Variants in CALN1 observed in about 807,000 individuals in gnomAD.
The protein encoded by CALN1 is calneuron 1, also known as calcium-binding protein 8.
Under a neutral mutation model 30.6 loss-of-function variants are expected in CALN1, and 17 were observed. The ratio of observed to expected loss-of-function variants is 0.56; its 90% CI spans 0.38 to 0.83. The LOEUF is 0.83. CALN1 is among the 40% of genes least tolerant of loss of function. CALN1 has a pLI of 0.00. For missense variants in CALN1, 291 were observed against 354.9 expected, an observed-to-expected ratio of 0.82 and a Z score of 1.45; for synonymous variants, 156 against 131.4, an observed-to-expected ratio of 1.19 and a Z score of -1.28.
intron 3 of CALN1, among the ~76,000 whole-genome samples, chr7:72,232,666 G>C (rs942533653): frequency 6.6e-6 from 1 of 152,148 alleles, no homozygotes; most frequent in African/African-American, 2.4e-5. Context: ...CGCCATGTTG[G>C]CCAGGCTGGT....
intron 2 of CALN1, among the ~76,000 whole-genome samples, chr7:72,325,491 C>T (rs966655960): frequency 3.9e-5 from 6 of 152,040 alleles, no homozygotes; most frequent in Non-Finnish European, 7.4e-5. Flanking sequence ...ATCCCAGCTA[C>T]TTGGGAGGCT....
chr7:72,106,079 T>C (rs752531078), intron 4 of CALN1, 72 bp downstream of exon 4: 1 of 1,554,426 alleles, frequency 6.4e-7, no homozygotes, highest in Non-Finnish European at 8.7e-7. Flanking sequence ...TGCAAGGCCC[T>C]GCATAAACCG....
chr7:71,889,299 C>G (rs1041910882), intron 5 of CALN1, among the ~76,000 whole-genome samples: 1 of 152,154 alleles, frequency 6.6e-6, no homozygotes, highest in African/African-American at 2.4e-5. Flanking sequence ...AAGGCAAGCT[C>G]CCTTGGGGCT....
intron 5 of CALN1, among the ~76,000 whole-genome samples, chr7:71,858,694 G>A (rs1173901196): frequency 3.3e-5 from 5 of 152,086 alleles, no homozygotes; most frequent in Non-Finnish European, 5.9e-5. Flanking sequence ...TGTGTTCAGT[G>A]AAAGGCCAAT....
chr7:72,060,227 G>A (rs1207564176), intron 4 of CALN1, among the ~76,000 whole-genome samples: 1 of 152,102 alleles, frequency 6.6e-6, no homozygotes, highest in Non-Finnish European at 1.5e-5. Context: ...GTGCTTACAT[G>A]CTCTGAAGGA....
chr7:72,203,013 A>C (rs908320801), intron 3 of CALN1, among the ~76,000 whole-genome samples: 5 of 152,246 alleles, frequency 3.3e-5, no homozygotes, highest in Non-Finnish European at 7.3e-5. Flanking sequence ...GCCATAAAAA[A>C]GAATGAGTTC....
chr7:72,311,936 G>A (rs1585444004), intron 2 of CALN1, among the ~76,000 whole-genome samples: 1 of 152,064 alleles, frequency 6.6e-6, no homozygotes, highest in South Asian at 2.1e-4. Context: ...AGAGTGATGG[G>A]AAAGAAGGAA....
At chr7:71,809,464 C>CAAAA (rs10682965) in intron 6 of CALN1, among the ~76,000 whole-genome samples, 21,417 of 108,264 alleles carry the variant, frequency 0.2, 2,417 homozygotes, top group Middle Eastern at 0.26. Flanking sequence ...TTTAAATGTT[C>CAAAA]AAAAAAAAAA....
At chr7:72,161,159 A>C (rs778596140) in intron 3 of CALN1, among the ~76,000 whole-genome samples, 14 of 152,144 alleles carry the variant, frequency 9.2e-5, no homozygotes, top group Non-Finnish European at 1.8e-4. Flanking sequence ...TAAACTAACT[A>C]ACTCAATAAA....
intron 3 of CALN1, among the ~76,000 whole-genome samples, chr7:72,195,787 A>G (rs953749546): frequency 5.3e-5 from 8 of 152,214 alleles, no homozygotes; most frequent in African/African-American, 1.9e-4. Context: ...GTGGAGAAAG[A>G]TGAAAAATAA....
At chr7:72,494,502 C>T in the CALN1 span, among the ~76,000 whole-genome samples, 3 of 152,140 alleles carry the variant, frequency 2.0e-5, no homozygotes, top group Non-Finnish European at 1.5e-5. Flanking sequence ...TTCTTTTTGA[C>T]GCAAGCTGGG....
chr7:71,953,357 C>T (rs891023215), intron 5 of CALN1, among the ~76,000 whole-genome samples: 1 of 152,120 alleles, frequency 6.6e-6, no homozygotes, highest in Non-Finnish European at 1.5e-5. Flanking sequence ...GTTCCCTGCA[C>T]TATTTAAGTA....
intron 3 of CALN1, among the ~76,000 whole-genome samples, chr7:72,220,375 C>A (rs10224695): frequency 0.71 from 106,490 of 150,824 alleles, 38,221 homozygotes; most frequent in East Asian, 1. Context: ...ACGAACTCAT[C>A]ATTTTTTTAT....
At chr7:71,979,551 G>C (rs1287264224) in intron 5 of CALN1, among the ~76,000 whole-genome samples, 1 of 152,158 alleles carries the variant, frequency 6.6e-6, no homozygotes, top group Non-Finnish European at 1.5e-5. Flanking sequence ...GCAGGAATGA[G>C]AGGGACAGGG....
chr7:72,160,382 G>C lies in CALN1; in HGVS notation c.245-54088C>G, dbSNP rs535500803. ...CAACCTCCAGCTCCCAGGTTCAAGC[G>C]ATGCCCCTGCCTCAGCCACCCGAGT... On this transcript the variant is annotated intron_variant, in intron 3 of 6. Transcript: ENST00000395275. Among the ~76,000 whole-genome samples the C allele has an allele frequency of 1.2e-4, 18 of 151,706 alleles. No homozygotes were observed. In the South Asian group the frequency reaches 2.9e-3, roughly 25 times the overall value.
At chr7:72,163,391 T>TAAAAAAAAAAAAAAAAAAAAAAAAAAA (rs1563111506) in intron 3 of CALN1, among the ~76,000 whole-genome samples, 1 of 130,428 alleles carries the variant, frequency 7.7e-6, no homozygotes, top group Non-Finnish European at 1.6e-5. Flanking sequence ...TTATTGGAGA[T>TAAAAAAAAAAAAAAAAAAAAAAAAAAA]TAAAAAAAAA....
chr7:72,024,559 T>C (rs1009673167), intron 4 of CALN1, among the ~76,000 whole-genome samples: 1 of 151,940 alleles, frequency 6.6e-6, no homozygotes, highest in Non-Finnish European at 1.5e-5. Context: ...CCACCAAGCC[T>C]GGCTAATTTT....
intron 1 of CALN1, among the ~76,000 whole-genome samples, chr7:72,429,813 A>ATG: frequency 6.7e-6 from 1 of 150,316 alleles, no homozygotes; most frequent in South Asian, 2.1e-4. Flanking sequence ...GTATATATGT[A>ATG]TGTGTGTGTC....
chr7:72,086,782 T>C (rs755289970), intron 4 of CALN1, among the ~76,000 whole-genome samples: 11 of 151,672 alleles, frequency 7.3e-5, no homozygotes, highest in Non-Finnish European at 1.3e-4. Flanking sequence ...AATTAAAAAA[T>C]AAAAAAATAG....
Sources: allele counts gnomAD v4.1 joint callset (sites outside exome capture counted in the v4.1 genomes callset), GRCh38; gene constraint gnomAD v4.1.1; transcripts MANE v1.5; gene names NCBI Gene and HGNC (gene_info 2026-07-23, HGNC 2026-07-21).